The following PCDHGA12 variants were observed in gnomAD, a reference collection of about 807,000 sequenced individuals.
The protein encoded by PCDHGA12 is protocadherin gamma-A12.
A neutral mutation model predicts 61.1 loss-of-function variants in PCDHGA12; 43 were observed. The ratio of observed to expected loss-of-function variants is 0.70; its 90% CI spans 0.55 to 0.91. PCDHGA12 has a LOEUF of 0.91. PCDHGA12 is among the 40% of genes least tolerant of loss of function. The pLI, the probability that PCDHGA12 is intolerant of heterozygous loss-of-function variation, is 0.00. For synonymous variants in PCDHGA12, 520 were observed against 542.9 expected (o/e 0.96, Z 0.59); for missense variants, 1,236 against 1,227.7 (o/e 1.01, Z -0.10).
chr5:141,485,503 C>T lies in PCDHGA12; in HGVS notation c.2425-9304C>T, dbSNP rs1057374827. The T allele has an allele frequency of 5.0e-6, 8 of 1,614,096 alleles. No homozygotes were observed. The highest frequency in any genetic ancestry group is 6.8e-6 in the Non-Finnish European group (8 of 1,180,008). On this transcript the variant is annotated intron_variant, in intron 1 of 3. Coordinates refer to ENST00000252085, the MANE Select transcript of PCDHGA12 (RefSeq NM_003735.3). This position sits in a 1 kb window ranked among gnomAD's most constrained non-coding sequence, Gnocchi z 5.7. ...GCATCGTGCCCCTGGAGTTTGTCAC[C>T]GAAGGTCCTTTGGAAATGTACCGAG...
chr5:141,491,810 G>T lies in PCDHGA12; in HGVS notation c.2425-2997G>T. 1 of 1,486,878 alleles carries T rather than the reference G, an allele frequency of 6.7e-7. No individual in the cohort carries two copies. The allele number at this position is 1,486,878 out of a possible 1,614,324, so 92.1% of individuals were successfully genotyped here. A position where few individuals can be genotyped will look rare whatever the true frequency, so the allele number is the denominator to read the frequency against. ...CCACTCCTCTCCGGCCGGCTTGGTC[G>T]CTGGCTGCGCTCCACCCGATTCTCG... On this transcript the variant is annotated intron_variant, in intron 1 of 3. Coordinates refer to ENST00000252085, the MANE Select transcript of PCDHGA12 (RefSeq NM_003735.3). This position sits in a 1 kb window ranked among gnomAD's most constrained non-coding sequence, Gnocchi z 6.9.
chr5:141,446,173 G>A (rs2098491860), intron 1 of PCDHGA12, among the ~76,000 whole-genome samples: 1 of 152,076 alleles, frequency 6.6e-6, no homozygotes, highest in East Asian at 1.9e-4. Context: ...TGAGGGCAGG[G>A]GGTGTTTTGT....
At chr5:141,448,999 G>GT (rs910018882) in intron 1 of PCDHGA12, among the ~76,000 whole-genome samples, 19 of 151,698 alleles carry the variant, frequency 1.3e-4, no homozygotes, top group South Asian at 2.1e-4. Flanking sequence ...ATAGAAAGCT[G>GT]TTTTTTTTAA....
chr5:141,503,164 C>G (rs1262310388), intron 2 of PCDHGA12, among the ~76,000 whole-genome samples: 2 of 152,068 alleles, frequency 1.3e-5, no homozygotes, highest in East Asian at 3.9e-4. Flanking sequence ...ATCACAATTG[C>G]AATTACTCTA....
At position 141,433,032 on chromosome 5, in the gene PCDHGA12, C is replaced by G; in HGVS notation, c.2273C>G (p.Ser758Cys). Residue 758 changes from serine (S) to cysteine (C), a missense_variant, in exon 1 of 4, where the codon TCC (serine) becomes TGC (cysteine). Coordinates refer to ENST00000252085, the MANE Select transcript of PCDHGA12 (RefSeq NM_003735.3). ...CTGCAGACCTATTCCCACGAGGTTTCCCTCACCACGGACTCGCGGAAGAGT... is the reference window on the plus strand; with the variant it reads ...CTGCAGACCTATTCCCACGAGGTTTGCCTCACCACGGACTCGCGGAAGAGT... Reference protein sequence around the residue: ...AFLQTYSHEVSLTTDSRKSHL... With the variant: ...AFLQTYSHEVCLTTDSRKSHL... 1 of 1,614,188 alleles carries G rather than the reference C, an allele frequency of 6.2e-7. No individual in the cohort carries two copies. Among genetic ancestry groups the G allele is most frequent in the Non-Finnish European group, 8.5e-7 (1 of 1,180,034 alleles).
intron 2 of PCDHGA12, among the ~76,000 whole-genome samples, chr5:141,499,099 C>T (rs1031964059): frequency 1.3e-5 from 2 of 152,156 alleles, no homozygotes; most frequent in Non-Finnish European, 2.9e-5. Context: ...ACATGCTTCT[C>T]CTCCCCACCA....
chr5:141,476,142 G>T lies in PCDHGA12; in HGVS notation c.2425-18665G>T. 6.2e-7 allele frequency: 1 copy of T among 1,610,446 alleles called. No individual in the cohort carries two copies. Among genetic ancestry groups the T allele is most frequent in the South Asian group, 1.1e-5 (1 of 90,868 alleles). On this transcript the variant is annotated intron_variant, in intron 1 of 3. Coordinates refer to ENST00000252085, the MANE Select transcript of PCDHGA12 (RefSeq NM_003735.3). The surrounding 1 kb of genome is among the most constrained non-coding windows in gnomAD (Gnocchi z 7.6). Reference sequence around the variant, plus strand: ...ATGGTCCCAGAGGCCTGGAGGAGCGGACTGGTAAGCACCGGGAGGGTAGTG... The same window carrying T: ...ATGGTCCCAGAGGCCTGGAGGAGCGTACTGGTAAGCACCGGGAGGGTAGTG...
chr5:141,484,603 G>T (rs1460433183), intron 1 of PCDHGA12, among the ~76,000 whole-genome samples: 1 of 152,008 alleles, frequency 6.6e-6, no homozygotes, highest in Non-Finnish European at 1.5e-5. Context: ...TAGAATACTG[G>T]TTGATGACAA....
At position 141,431,998 on chromosome 5, in the gene PCDHGA12, A is replaced by G. The variant is rs201105272; in HGVS notation, c.1239A>G (p.Glu413=). The G allele has an allele frequency of 1.2e-6, 2 of 1,614,176 alleles. No homozygotes were observed. Among genetic ancestry groups the G allele is most frequent in the Admixed American group, 1.7e-5 (1 of 60,030 alleles). The change falls in exon 1 of 4, where the codon GAA becomes GAG. Residue 413 remains glutamate, a synonymous_variant. Coordinates refer to ENST00000252085, the MANE Select transcript of PCDHGA12 (RefSeq NM_003735.3). This position sits in a 1 kb window ranked among gnomAD's most constrained non-coding sequence, Gnocchi z 4.8. The stretch of plus-strand genomic sequence containing the variant: ...TCACAGACATAGTCTTGGATAGGGA[A>G]CAGGTTCCTAGCTACAACATCACAG... The part of the protein sequence containing the change: ...SLVTDIVLDR[E]QVPSYNITVT...
rs2099884060 is a variant in PCDHGA12 at position 141,512,057 on chromosome 5, A to T, written c.*884A>T. 1 of 152,768 alleles carries T rather than the reference A, an allele frequency of 6.5e-6. No individual in the cohort carries two copies. Among genetic ancestry groups the T allele is most frequent in the South Asian group, 2.1e-4 (1 of 4,832 alleles). 9.5% of individuals were successfully genotyped at this position (152,768 alleles called of 1,614,324 possible). ...GGCTCTGTATGTCCTCAGGGGACTG[A>T]CAACATCCTCCAGATTCCAGCCATA... is the stretch of plus-strand genomic sequence containing the variant. On this transcript the variant is annotated 3_prime_UTR_variant, in exon 4 of 4. Coordinates refer to ENST00000252085, the MANE Select transcript of PCDHGA12 (RefSeq NM_003735.3).
At chr5:141,507,833 G>C (rs1184502436) in intron 3 of PCDHGA12, among the ~76,000 whole-genome samples, 2 of 152,172 alleles carry the variant, frequency 1.3e-5, no homozygotes, top group East Asian at 3.9e-4. Flanking sequence ...GGAGGTGGTG[G>C]GTCAGGCCCT....
chr5:141,473,382 C>A (rs780229708), intron 1 of PCDHGA12, among the ~76,000 whole-genome samples: 12 of 152,190 alleles, frequency 7.9e-5, no homozygotes, highest in Non-Finnish European at 1.8e-4. Context: ...TGGTCCCTGC[C>A]CTCCTGGAGC....
Position 141,511,643 on chromosome 5 carries a change from C to T in PCDHGA12, c.*470C>T, listed in dbSNP as rs937995879. ...TGAAAAGTTGGAAGGGCATCATGACCTCTTGGCCTCTCCTTTGATTCTCAA... is the reference window on the plus strand; with the variant it reads ...TGAAAAGTTGGAAGGGCATCATGACTTCTTGGCCTCTCCTTTGATTCTCAA... On this transcript the variant is annotated 3_prime_UTR_variant, in exon 4 of 4. Coordinates refer to ENST00000252085, the MANE Select transcript of PCDHGA12 (RefSeq NM_003735.3). 4 of 218,904 alleles carry T rather than the reference C, an allele frequency of 1.8e-5. No homozygotes were observed. The highest frequency in any genetic ancestry group is 5.2e-5 in the Admixed American group (1 of 19,306). 13.6% of individuals were successfully genotyped at this position (218,904 alleles called of 1,614,324 possible). A position where few individuals can be genotyped will look rare whatever the true frequency, so the allele number is the denominator to read the frequency against.
At chr5:141,450,730 G>A (rs1046738914) in intron 1 of PCDHGA12, among the ~76,000 whole-genome samples, 10 of 152,024 alleles carry the variant, frequency 6.6e-5, no homozygotes, top group Non-Finnish European at 1.2e-4. Flanking sequence ...CAGGTGATCC[G>A]CCCGCCTTGG....
chr5:141,483,472 T>C (rs1457039859), intron 1 of PCDHGA12, among the ~76,000 whole-genome samples: 2 of 152,076 alleles, frequency 1.3e-5, no homozygotes, highest in Non-Finnish European at 2.9e-5. Flanking sequence ...TGACATGATA[T>C]AGGAAGTGAG....
intron 1 of PCDHGA12, among the ~76,000 whole-genome samples, chr5:141,451,985 A>G (rs1460304088): frequency 6.6e-6 from 1 of 152,202 alleles, no homozygotes; most frequent in Non-Finnish European, 1.5e-5. Context: ...TAGTTTGTTC[A>G]TTAGAAGCAA....
At chr5:141,498,581 C>A (rs1281809549) in intron 2 of PCDHGA12, among the ~76,000 whole-genome samples, 1 of 152,104 alleles carries the variant, frequency 6.6e-6, no homozygotes, top group East Asian at 1.9e-4. Flanking sequence ...GTATTGAGTT[C>A]TTCAGTAAAC....
chr5:141,441,692 G>A (rs1165171238), intron 1 of PCDHGA12: 2 of 301,376 alleles, frequency 6.6e-6, no homozygotes, highest in Non-Finnish European at 1.3e-5. Context: ...AAGAGCAGCC[G>A]CGAGCCTTCA....
intron 1 of PCDHGA12, among the ~76,000 whole-genome samples, chr5:141,472,913 G>A (rs1049221725): frequency 2.0e-5 from 3 of 147,764 alleles, no homozygotes; most frequent in African/African-American, 2.5e-5. Context: ...TTGAACCCAA[G>A]AGGAGGAGGT....
Sources: allele counts gnomAD v4.1 joint callset (sites outside exome capture counted in the v4.1 genomes callset), GRCh38; gene constraint gnomAD v4.1.1; non-coding constraint Gnocchi (gnomAD v3.1); transcripts MANE v1.5; gene names NCBI Gene and HGNC (gene_info 2026-07-23, HGNC 2026-07-21).